NUP188: variants seen among roughly 807,000 people sequenced by gnomAD.
NUP188 encodes the protein nucleoporin NUP188.
A neutral mutation model predicts 223.0 loss-of-function variants in NUP188; 97 were observed. The observed-to-expected ratio is 0.43, with a 90% CI of 0.37 to 0.51. The LOEUF is 0.51. Among genes scored for constraint, NUP188 ranks in the 20% least tolerant of loss-of-function variants. The pLI, the probability that NUP188 is intolerant of heterozygous loss-of-function variation, is 0.00. For missense variants in NUP188, 1,947 were observed against 2,175.6 expected (o/e 0.89, Z 2.09); for synonymous variants, 869 against 828.0 (o/e 1.05, Z -0.85).
At chr9:128,952,547 A>G (rs907514570) in intron 2 of NUP188, among the ~76,000 whole-genome samples, 1 of 151,896 alleles carries the variant, frequency 6.6e-6, no homozygotes, top group South Asian at 2.1e-4. Flanking sequence ...ACATGGTGAA[A>G]CTCCATCTCT....
chr9:128,991,160 T>A (rs1040734914), intron 25 of NUP188, among the ~76,000 whole-genome samples: 6 of 145,958 alleles, frequency 4.1e-5, no homozygotes, highest in African/African-American at 1.5e-4. Context: ...TGCTCCAGAT[T>A]TCTTTTTTTT....
intron 3 of NUP188, 80 bp from the exon 4 acceptor site, chr9:128,956,270 G>T: frequency 1.3e-6 from 1 of 799,098 alleles, no homozygotes; most frequent in African/African-American, 1.8e-5. Context: ...TAGTCTGTAG[G>T]AAAAATATTT....
At chr9:128,950,795 T>C (rs113556583) in intron 2 of NUP188, among the ~76,000 whole-genome samples, 3 of 152,086 alleles carry the variant, frequency 2.0e-5, no homozygotes, top group South Asian at 2.1e-4. Flanking sequence ...CAGTGAACTC[T>C]AGCCTGGGAG....
intron 13 of NUP188, 106 bp from the exon 14 acceptor site, chr9:128,980,499 TA>T: frequency 8.5e-7 from 1 of 1,183,218 alleles, no homozygotes; most frequent in Non-Finnish European, 1.2e-6. Flanking sequence ...GATATCTGTC[TA>T]AAAGGAAGGA....
intron 1 of NUP188, chr9:128,948,077 G>A: frequency 3.7e-6 from 1 of 271,992 alleles, no homozygotes; most frequent in East Asian, 6.1e-5. Context: ...TTCTCCGGCC[G>A]TGACGCTCCC....
chr9:129,001,432 C>T, intron 34 of NUP188, 97 bp from the exon 35 acceptor site: 1 of 1,069,784 alleles, frequency 9.3e-7, no homozygotes, highest in Non-Finnish European at 1.4e-6. Flanking sequence ...ATGTGTGTAA[C>T]CAAGCAGGTC....
chr9:128,977,775 G>A (rs1355363474), intron 12 of NUP188, among the ~76,000 whole-genome samples: 3 of 152,018 alleles, frequency 2.0e-5, no homozygotes, highest in Non-Finnish European at 4.4e-5. Flanking sequence ...CTCCAGTCTG[G>A]GTGAAAGACC....
intron 12 of NUP188, 64 bp downstream of exon 12, chr9:128,973,313 A>T (rs1461251086): frequency 9.4e-7 from 1 of 1,062,804 alleles, no homozygotes; most frequent in Non-Finnish European, 1.4e-6. Flanking sequence ...TCCCAAAAAT[A>T]TACCCCCATT....
chr9:128,974,269 C>T (rs1016825373), intron 12 of NUP188, among the ~76,000 whole-genome samples: 2 of 152,044 alleles, frequency 1.3e-5, no homozygotes, highest in African/African-American at 2.4e-5. Flanking sequence ...TCTCAAACTC[C>T]AGGACTTCTC....
Position 128,981,257 on chromosome 9 carries a change from T to C in NUP188, c.1390-7T>C, listed in dbSNP as rs910262173. Reference sequence around the variant, plus strand: ...GAAATGTGTGATGGTTTTTTCTGTTTTGGCAGGTGTATAGCTTCTTGGATA... The same window carrying C: ...GAAATGTGTGATGGTTTTTTCTGTTCTGGCAGGTGTATAGCTTCTTGGATA... On this transcript the variant is annotated splice_region_variant and splice_polypyrimidine_tract_variant and intron_variant, in intron 14 of 43. Coordinates refer to ENST00000372577, the MANE Select transcript of NUP188 (RefSeq NM_015354.3). The C allele has an allele frequency of 2.7e-5, 43 of 1,612,072 alleles. No individual in the cohort carries two copies. The highest frequency in any genetic ancestry group is 3.3e-5 in the Non-Finnish European group (39 of 1,179,362).
intron 33 of NUP188, 52 bp downstream of exon 33, chr9:128,999,369 G>A: frequency 6.3e-7 from 1 of 1,598,254 alleles, no homozygotes; most frequent in Non-Finnish European, 8.6e-7. Context: ...CACTCCTGCT[G>A]ACAGCCAGGC....
rs747621335 is a variant in NUP188, at chr9:128,982,970, C to G, written c.1738C>G (p.Leu580Val). The change falls in exon 17 of 44, where the codon CTG becomes GTG. Residue 580 changes from leucine to valine, a missense_variant. Leu to Val is a conservative substitution (Grantham distance 32, BLOSUM62 1). Coordinates refer to ENST00000372577, the MANE Select transcript of NUP188 (RefSeq NM_015354.3). ...CGTCCATAAGGTCATCAGTACAGAC[C>G]TGTCGATAGCAGACTGTCTCCTGCC... is the stretch of plus-strand genomic sequence containing the variant. ...DLVHKVISTDLSIADCLLPIT... is the reference protein window; with the variant it reads ...DLVHKVISTDVSIADCLLPIT... 5.0e-6 allele frequency: 8 copies of G among 1,613,970 alleles called. No homozygotes were observed. The highest frequency in any genetic ancestry group is 6.8e-6 in the Non-Finnish European group (8 of 1,179,984).
At chr9:128,970,646 A>AG (rs1276492086) in intron 10 of NUP188, 112 bp from the exon 11 acceptor site, 1 of 813,476 alleles carries the variant, frequency 1.2e-6, no homozygotes, top group Non-Finnish European at 2.0e-6. Context: ...TATCAGAATG[A>AG]GAGAGTGAGG....
chr9:129,005,590 G>A (rs1034572049), intron 40 of NUP188, 55 bp from the exon 41 acceptor site: 16 of 1,610,884 alleles, frequency 9.9e-6, no homozygotes, highest in African/African-American at 9.4e-5. Context: ...GCTGTGTACC[G>A]AGAGCTACCT....
intron 34 of NUP188, 26 bp from the exon 35 acceptor site, chr9:129,001,501 CCT>C (rs1842665764): frequency 4.4e-6 from 7 of 1,604,214 alleles, no homozygotes; most frequent in South Asian, 2.2e-5. Context: ...TCTTCTTCCC[CCT>C]TTTACTCATC....
chr9:128,966,260 CTGTGTGTGTGTGTG>C (rs10616823), intron 8 of NUP188, among the ~76,000 whole-genome samples: 2 of 139,554 alleles, frequency 1.4e-5, no homozygotes, highest in Non-Finnish European at 3.1e-5. Context: ...GTCTCTGTGT[CTGTGTGTGTGTGTG>C]TGTGTGTGTG....
At chr9:129,003,478 G>A in intron 38 of NUP188, 24 bp downstream of exon 38, 1 of 1,604,830 alleles carries the variant, frequency 6.2e-7, no homozygotes, top group Non-Finnish European at 8.5e-7. Context: ...ATGGTGTCTT[G>A]GAGTCTGGGG....
At chr9:128,959,170 T>TC in intron 8 of NUP188, 36 bp downstream of exon 8, 1 of 1,506,198 alleles carries the variant, frequency 6.6e-7, no homozygotes, top group Non-Finnish European at 8.9e-7. Context: ...AACTTTTTTT[T>TC]TTTAAGATGG....
rs1318372362 is a variant in NUP188 at position 128,980,658 on chromosome 9, C to T, written c.1322C>T (p.Pro441Leu). The change falls in exon 14 of 44, where the codon CCC becomes CTC. Residue 441 changes from proline to leucine, a missense_variant. Physicochemically the swap from Pro to Leu is moderately conservative, Grantham distance 98. This residue lies in a region of NUP188 where 817 missense variants were observed against 865.8 expected (regional missense o/e 0.94). Coordinates refer to ENST00000372577, the MANE Select transcript of NUP188 (RefSeq NM_015354.3). Reference sequence around the variant, plus strand: ...CTGGACAGTGTGTGTGGAATGTTTCCCCACCTTCTCTCCCCACTCCTGCAA... The same window carrying T: ...CTGGACAGTGTGTGTGGAATGTTTCTCCACCTTCTCTCCCCACTCCTGCAA... Reference protein sequence around the residue: ...IILDSVCGMFPHLLSPLLQLL... With the variant: ...IILDSVCGMFLHLLSPLLQLL... The T allele has an allele frequency of 6.2e-7, 1 of 1,614,076 alleles. No individual in the cohort carries two copies. The highest frequency in any genetic ancestry group is 8.5e-7 in the Non-Finnish European group (1 of 1,180,006).
Sources: gnomAD v4.1 joint callset for allele counts (sites outside exome capture counted in the v4.1 genomes callset) on GRCh38, gnomAD v4.1.1 for gene constraint, gnomAD v4.1.1 regional missense constraint, MANE v1.5 for transcripts, NCBI Gene and HGNC (gene_info 2026-07-23, HGNC 2026-07-21) for gene names.